The following GRIP1 variants were observed in gnomAD, a reference collection of about 807,000 sequenced individuals.
The protein encoded by GRIP1 is glutamate receptor-interacting protein 1.
A neutral mutation model predicts 129.9 loss-of-function variants in GRIP1; 45 were observed. The observed-to-expected ratio is 0.35, with a 90% CI of 0.27 to 0.44. The LOEUF (loss-of-function observed/expected upper bound fraction) is 0.44. GRIP1 is among the 20% of genes least tolerant of loss of function. The pLI is 1.00. For missense variants in GRIP1, 1,196 were observed against 1,396.8 expected (o/e 0.86, Z 2.29); for synonymous variants, 530 against 520.8 (o/e 1.02, Z -0.24).
intron 1 of GRIP1, among the ~76,000 whole-genome samples, chr12:66,677,767 T>C (rs1043892893): frequency 6.6e-6 from 1 of 152,200 alleles, no homozygotes; most frequent in African/African-American, 2.4e-5. Context: ...TTTGTGCTCA[T>C]TCTTCTGCCA....
chr12:67,060,073 G>A (rs2043505940), intron 1 of GRIP1, among the ~76,000 whole-genome samples: 1 of 152,226 alleles, frequency 6.6e-6, no homozygotes, highest in African/African-American at 2.4e-5. Flanking sequence ...TACAAAGAGT[G>A]TAAGAAGAAC....
At chr12:66,555,494 A>T (rs138826507) in intron 2 of GRIP1, among the ~76,000 whole-genome samples, 167 of 152,282 alleles carry the variant, frequency 1.1e-3, no homozygotes, top group African/African-American at 4.0e-3. Flanking sequence ...TACTTAACTC[A>T]TCAATGCTCA....
intron 1 of GRIP1, among the ~76,000 whole-genome samples, chr12:66,920,167 A>C (rs79498741): frequency 0.014 from 2,066 of 152,252 alleles, 53 homozygotes; most frequent in African/African-American, 0.047. Context: ...AAAACTACCC[A>C]AAAAATGCCT....
At chr12:66,959,268 T>C (rs1398325788) in intron 1 of GRIP1, among the ~76,000 whole-genome samples, 1 of 152,160 alleles carries the variant, frequency 6.6e-6, no homozygotes, top group Admixed American at 6.6e-5. Context: ...CCATATTCTA[T>C]AATTTAAACT....
chr12:66,908,910 T>C (rs2040981786), intron 1 of GRIP1, among the ~76,000 whole-genome samples: 1 of 152,188 alleles, frequency 6.6e-6, no homozygotes, highest in Admixed American at 6.6e-5. Context: ...GAAGCCTGCA[T>C]TGCCATCAAG....
chr12:66,749,811 C>G (rs1341473602), intron 1 of GRIP1, among the ~76,000 whole-genome samples: 1 of 152,082 alleles, frequency 6.6e-6, no homozygotes, highest in African/African-American at 2.4e-5. Flanking sequence ...GAAAATTCCC[C>G]GGAGATGTCA....
chr12:66,783,323 C>A (rs986870869), intron 1 of GRIP1, among the ~76,000 whole-genome samples: 21 of 152,170 alleles, frequency 1.4e-4, no homozygotes, highest in African/African-American at 5.1e-4. Context: ...CGTGAGCCAC[C>A]ATGCCTGGCC....
At chr12:66,429,166 T>A (rs559650067) in intron 14 of GRIP1, among the ~76,000 whole-genome samples, 5 of 152,300 alleles carry the variant, frequency 3.3e-5, no homozygotes, top group South Asian at 2.1e-4. Context: ...CAATTAGGTA[T>A]GAAGAGTGAG....
At chr12:66,445,210 AT>A in intron 12 of GRIP1, 111 bp downstream of exon 12, 1 of 904,948 alleles carries the variant, frequency 1.1e-6, no homozygotes, top group Non-Finnish European at 1.8e-6. Flanking sequence ...ACAGTTCATC[AT>A]ATCTTGCATT....
At chr12:67,013,932 A>T (rs186297462) in intron 1 of GRIP1, among the ~76,000 whole-genome samples, 183 of 152,340 alleles carry the variant, frequency 1.2e-3, no homozygotes, top group African/African-American at 4.2e-3. Flanking sequence ...CAATCAGCGC[A>T]AGCTCAAGAT....
chr12:66,815,835 T>TC (rs2039201664), intron 1 of GRIP1, among the ~76,000 whole-genome samples: 1 of 36,326 alleles, frequency 2.8e-5, no homozygotes, highest in Non-Finnish European at 9.5e-5. Context: ...TTTCTTTCTT[T>TC]CTTTCTTTCT....
chr12:66,889,095 T>A (rs901820239), intron 1 of GRIP1, among the ~76,000 whole-genome samples: 67 of 152,330 alleles, frequency 4.4e-4, no homozygotes, highest in African/African-American at 1.5e-3. Flanking sequence ...ATTTTTCCTA[T>A]CTGCCACCTT....
At chr12:66,528,365 C>T (rs890823244) in intron 5 of GRIP1, among the ~76,000 whole-genome samples, 1 of 152,078 alleles carries the variant, frequency 6.6e-6, no homozygotes, top group Admixed American at 6.5e-5. Context: ...TCTCGATCTC[C>T]TGACCTCATT....
intron 1 of GRIP1, among the ~76,000 whole-genome samples, chr12:66,948,111 T>A (rs902128610): frequency 6.6e-6 from 1 of 152,234 alleles, no homozygotes; most frequent in Non-Finnish European, 1.5e-5. Context: ...AACCGGATGA[T>A]GTGTTTATTC....
intron 5 of GRIP1, among the ~76,000 whole-genome samples, chr12:66,525,062 C>G (rs555125846): frequency 6.6e-6 from 1 of 152,142 alleles, no homozygotes; most frequent in Non-Finnish European, 1.5e-5. Context: ...AAAAAAAGTC[C>G]AGGAACAGAT....
At position 66,908,618 on chromosome 12, in the gene GRIP1, G is replaced by C. The variant is rs184153601; in HGVS notation, c.58+160432C>G. ...CCTCTTGCACAGAGTTTGTTTATGA[G>C]GAGTGAGATTGGAGTGCATGGTATA... On this transcript the variant is annotated intron_variant, in intron 1 of 1. Coordinates refer to the GRIP1 transcript ENST00000643019. Among the ~76,000 whole-genome samples the C allele has an allele frequency of 2.3e-3, 348 of 152,234 alleles. 1 individual carries two copies. Among genetic ancestry groups the C allele is most frequent in the African/African-American group, 8.0e-3 (334 of 41,518 alleles).
chr12:66,965,880 T>C (rs1364824114), intron 1 of GRIP1, among the ~76,000 whole-genome samples: 3 of 152,144 alleles, frequency 2.0e-5, no homozygotes, highest in African/African-American at 7.2e-5. Flanking sequence ...TATTGCAAAA[T>C]GCAGTTTTGC....
Position 66,648,694 on chromosome 12 carries a change from C to T in GRIP1, c.55+30156G>A, listed in dbSNP as rs1422351933. Among the ~76,000 whole-genome samples the T allele has an allele frequency of 5.3e-5, 8 of 152,278 alleles. No individual in the cohort carries two copies. In the South Asian group the frequency reaches 6.2e-4, roughly 12 times the overall value. ...GCGAGCAAGAAGTTGATGACAGAGT[C>T]GGTGACATTATCATGCATGTTAGTA... On this transcript the variant is annotated intron_variant, in intron 1 of 24. Transcript: ENST00000359742.
At chr12:66,403,407 T>C (rs1003750818) in intron 16 of GRIP1, among the ~76,000 whole-genome samples, 1 of 152,204 alleles carries the variant, frequency 6.6e-6, no homozygotes, top group Non-Finnish European at 1.5e-5. Flanking sequence ...ATAATGTTTT[T>C]TTTTCCTCCC....
Sources: gnomAD v4.1 joint callset for allele counts (sites outside exome capture counted in the v4.1 genomes callset) on GRCh38, gnomAD v4.1.1 for gene constraint, MANE v1.5 for transcripts, NCBI Gene and HGNC (gene_info 2026-07-23, HGNC 2026-07-21) for gene names.